The following COP1 variants were observed in gnomAD, a reference collection of about 807,000 sequenced individuals.
COP1 encodes COP1 E3 ubiquitin ligase.
Under a neutral mutation model 101.3 loss-of-function variants are expected in COP1, and 24 were observed. The ratio of observed to expected loss-of-function variants is 0.24; its 90% CI spans 0.17 to 0.33. The LOEUF is 0.33. Ranked by LOEUF, COP1 falls within the 10% of genes least tolerant of loss-of-function variation. The pLI, the probability that COP1 is intolerant of heterozygous loss-of-function variation, is 1.00. For missense variants in COP1, 663 were observed against 906.2 expected, an observed-to-expected ratio of 0.73 and a Z score of 3.45; for synonymous variants, 347 against 341.9, an observed-to-expected ratio of 1.01 and a Z score of -0.17.
At chr1:176,106,440 T>C (rs898054146) in intron 9 of COP1, among the ~76,000 whole-genome samples, 4 of 151,198 alleles carry the variant, frequency 2.6e-5, no homozygotes, top group Non-Finnish European at 4.4e-5. Flanking sequence ...GATCAGAAAT[T>C]ATAGTTTATA....
intron 15 of COP1, among the ~76,000 whole-genome samples, chr1:176,023,718 C>CAAAAAAAAAAAAAA (rs759455090): frequency 1.6e-5 from 2 of 122,084 alleles, no homozygotes; most frequent in African/African-American, 3.6e-5. Flanking sequence ...AACTCCATCT[C>CAAAAAAAAAAAAAA]AAAAAAAAAA....
In COP1 at chr1:176,128,104, G is replaced by A. The variant is rs187830882; in HGVS notation, c.968+6906C>T. Among the ~76,000 whole-genome samples, 6 of 151,960 alleles carry A rather than the reference G, an allele frequency of 3.9e-5. No individual in the cohort carries two copies. In the East Asian group the frequency reaches 9.7e-4, roughly 24 times the overall value. ...GTTTCATTGAGTATTTGTATATTTT[G>A]TTCCTTGTATATTTTGCACATTAGC... On this transcript the variant is annotated intron_variant, in intron 8 of 19. Coordinates refer to ENST00000367669, the MANE Select transcript of COP1 (RefSeq NM_022457.7).
At chr1:175,975,037 G>A (rs1654182960) in intron 18 of COP1, among the ~76,000 whole-genome samples, 1 of 151,744 alleles carries the variant, frequency 6.6e-6, no homozygotes. Context: ...ATTGACAGCT[G>A]TCAGTAAGAA....
At chr1:175,986,222 T>C (rs561803532) in intron 18 of COP1, among the ~76,000 whole-genome samples, 53 of 152,244 alleles carry the variant, frequency 3.5e-4, no homozygotes, top group African/African-American at 1.3e-3. Flanking sequence ...GGTTTCACCG[T>C]GTTAGCCAGG....
intron 18 of COP1, among the ~76,000 whole-genome samples, chr1:175,953,056 G>A (rs1006039968): frequency 6.6e-6 from 1 of 152,056 alleles, no homozygotes; most frequent in Non-Finnish European, 1.5e-5. Flanking sequence ...GCTTTAAGGT[G>A]ATTATAACAC....
intron 15 of COP1, among the ~76,000 whole-genome samples, chr1:175,999,562 C>CA (rs780276485): frequency 2.4e-4 from 36 of 151,894 alleles, no homozygotes; most frequent in Non-Finnish European, 4.6e-4. Flanking sequence ...AACAGTGCCG[C>CA]AAAAAACATG....
intron 2 of COP1, among the ~76,000 whole-genome samples, chr1:176,181,614 G>A (rs1459429038): frequency 3.3e-5 from 5 of 151,996 alleles, no homozygotes; most frequent in East Asian, 1.9e-4. Context: ...AGGCCGAGGC[G>A]GGCGGATCAC....
chr1:176,206,465 TC>T, intron 1 of COP1, 106 bp downstream of exon 1: 2 of 1,318,052 alleles, frequency 1.5e-6, no homozygotes, highest in Non-Finnish European at 2.1e-6. Flanking sequence ...AGCACCAGTA[TC>T]CCAAGCTCTC....
At chr1:176,012,802 A>T (rs905290689) in intron 15 of COP1, among the ~76,000 whole-genome samples, 7 of 152,136 alleles carry the variant, frequency 4.6e-5, no homozygotes, top group African/African-American at 1.7e-4. Flanking sequence ...GTAGCCTAGG[A>T]GTATTAGGCT....
intron 13 of COP1, among the ~76,000 whole-genome samples, chr1:176,043,495 A>G (rs1221080868): frequency 6.6e-6 from 1 of 152,232 alleles, no homozygotes; most frequent in Non-Finnish European, 1.5e-5. Flanking sequence ...ACATTCCATA[A>G]AGACCGAAGT....
intron 9 of COP1, among the ~76,000 whole-genome samples, chr1:176,091,329 G>A (rs984134509): frequency 7.0e-6 from 1 of 142,680 alleles, no homozygotes; most frequent in Admixed American, 7.3e-5. Context: ...CTGGGCAACA[G>A]AGCGAGACTC....
At chr1:176,005,808 A>T (rs1663031368) in intron 15 of COP1, among the ~76,000 whole-genome samples, 1 of 152,108 alleles carries the variant, frequency 6.6e-6, no homozygotes, top group Admixed American at 6.5e-5. Flanking sequence ...TGTGGTGCTG[A>T]AAAACATGCA....
At chr1:176,150,966 AAG>A (rs1321003184) in intron 5 of COP1, among the ~76,000 whole-genome samples, 1 of 152,170 alleles carries the variant, frequency 6.6e-6, no homozygotes, top group Non-Finnish European at 1.5e-5. Flanking sequence ...AATTATAAAA[AAG>A]AGATAGTGGA....
At position 176,049,041 on chromosome 1, in the gene COP1, G is replaced by A. The variant is rs181620908; in HGVS notation, c.1278-2717C>T. The stretch of plus-strand genomic sequence containing the variant: ...CAAAAAATTAGCCAGGCGCGGTGGC[G>A]GGCGCCTGTAGTCCCAGCTACTCGG... On this transcript the variant is annotated intron_variant, in intron 11 of 19. Coordinates refer to ENST00000367669, the MANE Select transcript of COP1 (RefSeq NM_022457.7). 5.9e-3 allele frequency among the ~76,000 whole-genome samples: 898 copies of A among 151,268 alleles called. 20 individuals carry two copies. Among genetic ancestry groups the A allele is most frequent in the African/African-American group, 0.021 (856 of 41,186 alleles).
chr1:176,019,309 A>G (rs1177180859), intron 15 of COP1, among the ~76,000 whole-genome samples: 1 of 151,304 alleles, frequency 6.6e-6, no homozygotes, highest in Admixed American at 6.6e-5. Context: ...CTAAAAATAC[A>G]AAAATTAGCT....
At chr1:176,099,905 A>G (rs1165062575) in intron 9 of COP1, among the ~76,000 whole-genome samples, 1 of 152,104 alleles carries the variant, frequency 6.6e-6, no homozygotes, top group African/African-American at 2.4e-5. Context: ...GAGGATACAA[A>G]CTGATGGCTG....
At chr1:176,190,084 A>G (rs1339032827) in intron 1 of COP1, among the ~76,000 whole-genome samples, 1 of 152,112 alleles carries the variant, frequency 6.6e-6, no homozygotes, top group Non-Finnish European at 1.5e-5. Flanking sequence ...AACTTTAAAT[A>G]TAACAAAAAA....
intron 6 of COP1, among the ~76,000 whole-genome samples, chr1:176,146,220 T>G (rs1391049654): frequency 6.6e-6 from 1 of 152,108 alleles, no homozygotes; most frequent in African/African-American, 2.4e-5. Flanking sequence ...GAAGACTGGC[T>G]TTTACATGGA....
intron 3 of COP1, among the ~76,000 whole-genome samples, chr1:176,169,489 G>A (rs1485440584): frequency 6.6e-6 from 1 of 152,030 alleles, no homozygotes; most frequent in African/African-American, 2.4e-5. Flanking sequence ...TCGGTTCTAG[G>A]CCCCACAATA....
Sources: allele counts gnomAD v4.1 joint callset (sites outside exome capture counted in the v4.1 genomes callset), GRCh38; gene constraint gnomAD v4.1.1; transcripts MANE v1.5; gene names NCBI Gene and HGNC (gene_info 2026-07-23, HGNC 2026-07-21).